ARNT2: variants seen among roughly 807,000 people sequenced by gnomAD.
ARNT2 encodes ARNT protein 2.
Under a neutral mutation model 91.7 loss-of-function variants are expected in ARNT2, and 36 were observed. That is an observed-to-expected ratio of 0.39 (90% CI 0.30 to 0.52). ARNT2 has a LOEUF of 0.52. ARNT2 is among the 20% of genes least tolerant of loss of function. The probability of loss-of-function intolerance (pLI) is 0.72; values close to 1 mark genes in which losing one functional copy is unlikely to be tolerated. For synonymous variants in ARNT2, 365 were observed against 347.1 expected (o/e 1.05, Z -0.57); for missense variants, 775 against 939.3 (o/e 0.83, Z 2.29).
intron 17 of ARNT2, among the ~76,000 whole-genome samples, chr15:80,589,130 C>G (rs75971085): frequency 1.3e-5 from 2 of 152,118 alleles, no homozygotes; most frequent in African/African-American, 4.8e-5. Flanking sequence ...ACAGTAAGGA[C>G]CAGGAGGCAC....
At chr15:80,551,587 T>C (rs1183328155) in intron 9 of ARNT2, among the ~76,000 whole-genome samples, 1 of 152,224 alleles carries the variant, frequency 6.6e-6, no homozygotes, top group Non-Finnish European at 1.5e-5. Context: ...CCAGAGTCTA[T>C]GGGATGAAGT....
intron 5 of ARNT2, among the ~76,000 whole-genome samples, chr15:80,481,572 G>T (rs915382403): frequency 3.3e-5 from 5 of 152,076 alleles, no homozygotes; most frequent in African/African-American, 1.2e-4. Flanking sequence ...AATTAGCTGG[G>T]TGTGGAGTCA....
Position 80,591,730 on chromosome 15 carries a change from C to T in ARNT2, c.2055+26C>T, listed in dbSNP as rs768553547. The T allele has an allele frequency of 1.3e-5, 21 of 1,613,086 alleles. No homozygotes were observed. Among genetic ancestry groups the T allele is most frequent in the East Asian group, 2.2e-5 (1 of 44,818 alleles). On this transcript the variant is annotated intron_variant, in intron 18 of 18. Coordinates refer to ENST00000303329, the MANE Select transcript of ARNT2 (RefSeq NM_014862.4). The surrounding 1 kb of genome is among the most constrained non-coding windows in gnomAD (Gnocchi z 5.1). ...GTAAATCGAGCGAGCACCGCCTTCT[C>T]GTAGGTACCGGCGCCTTCTCTCTGC...
intron 5 of ARNT2, among the ~76,000 whole-genome samples, chr15:80,483,622 A>G (rs189708632): frequency 1.2e-3 from 186 of 152,270 alleles, no homozygotes; most frequent in Non-Finnish European, 1.9e-3. Context: ...GGTCCGCACC[A>G]AGTTTGCAGG....
intron 8 of ARNT2, 82 bp from the exon 9 acceptor site, chr15:80,551,117 C>T: frequency 1.4e-6 from 2 of 1,406,046 alleles, no homozygotes; most frequent in Non-Finnish European, 2.0e-6. Context: ...TTTTCGATTG[C>T]TTAAATAAAA....
intron 10 of ARNT2, among the ~76,000 whole-genome samples, chr15:80,554,427 A>C (rs896985417): frequency 2.6e-5 from 4 of 152,222 alleles, no homozygotes; most frequent in Non-Finnish European, 5.9e-5. Context: ...AAAAAACATA[A>C]AATAAATTTT....
At chr15:80,445,438 TGA>T (rs1330098143) in intron 1 of ARNT2, among the ~76,000 whole-genome samples, 1 of 148,662 alleles carries the variant, frequency 6.7e-6, no homozygotes, top group African/African-American at 2.5e-5. Flanking sequence ...GTGGTGTGTG[TGA>T]GTGTTGTGTA....
intron 8 of ARNT2, among the ~76,000 whole-genome samples, chr15:80,535,339 G>C (rs1275237833): frequency 6.6e-6 from 1 of 152,166 alleles, no homozygotes; most frequent in Admixed American, 6.5e-5. Flanking sequence ...ATGGGTAAAG[G>C]CCTCTTAAAC....
At chr15:80,562,954 G>A in intron 11 of ARNT2, 134 bp from the exon 12 acceptor site, 1 of 959,384 alleles carries the variant, frequency 1.0e-6, no homozygotes, top group Non-Finnish European at 1.6e-6. Flanking sequence ...CTCTCTTACT[G>A]TCTTTTAGCC....
At chr15:80,415,339 A>G (rs918548511) in intron 1 of ARNT2, among the ~76,000 whole-genome samples, 5 of 152,236 alleles carry the variant, frequency 3.3e-5, no homozygotes, top group African/African-American at 1.2e-4. Flanking sequence ...TTGAATGCCA[A>G]CCGTGTGCTC....
At chr15:80,406,963 AAG>A (rs1285354038) in intron 1 of ARNT2, among the ~76,000 whole-genome samples, 2 of 152,168 alleles carry the variant, frequency 1.3e-5, no homozygotes, top group South Asian at 2.1e-4. Flanking sequence ...GTTTGAGCCA[AAG>A]AGAGAGAGTT....
chr15:80,505,077 G>C (rs1226945768), intron 5 of ARNT2, among the ~76,000 whole-genome samples: 1 of 152,216 alleles, frequency 6.6e-6, no homozygotes, highest in Admixed American at 6.5e-5. Flanking sequence ...ATCTAAGCCT[G>C]CCAGGAAACA....
At position 80,597,775 on chromosome 15, in the gene ARNT2, C is replaced by CT. The variant is rs1463958530; in HGVS notation, c.*4080dup. 6.5e-6 allele frequency: 1 copy of CT among 154,426 alleles called. No individual in the cohort carries two copies. Among genetic ancestry groups the CT allele is most frequent in the Non-Finnish European group, 1.4e-5 (1 of 69,240 alleles). The allele number at this position is 154,426 out of a possible 1,614,324, so 9.6% of individuals were successfully genotyped here. ...ACAGTTTAAGTACTTAACCATTTCT[C>CT]TTTCTTCTTATGGATGTGAACTGTG... On this transcript the variant is annotated 3_prime_UTR_variant, in exon 19 of 19. Transcript: ENST00000303329.
chr15:80,449,375 C>T (rs1896354039), intron 1 of ARNT2, among the ~76,000 whole-genome samples: 2 of 152,082 alleles, frequency 1.3e-5, no homozygotes, highest in Admixed American at 1.3e-4. Flanking sequence ...GTGTTTTAGC[C>T]TCCATTTCAG....
chr15:80,433,247 A>ATTTTATTTTATTTTAT (rs1555455363), intron 1 of ARNT2, among the ~76,000 whole-genome samples: 1,021 of 70,206 alleles, frequency 0.015, 21 homozygotes, highest in East Asian at 0.069. Context: ...ATTTTATTTT[A>ATTTTATTTTATTTTAT]TTTTATTTTA....
chr15:80,485,960 T>A (rs1205840952), intron 5 of ARNT2, among the ~76,000 whole-genome samples: 2 of 152,132 alleles, frequency 1.3e-5, no homozygotes, highest in Non-Finnish European at 2.9e-5. Context: ...ACAATGGGAA[T>A]GTGTTATCTT....
At chr15:80,461,219 C>T (rs1896547362) in intron 3 of ARNT2, among the ~76,000 whole-genome samples, 1 of 152,196 alleles carries the variant, frequency 6.6e-6, no homozygotes. Flanking sequence ...TGTATAAGTG[C>T]AATTTCCCTC....
intron 4 of ARNT2, among the ~76,000 whole-genome samples, chr15:80,471,148 T>C (rs1183732375): frequency 6.6e-6 from 1 of 152,194 alleles, no homozygotes; most frequent in Non-Finnish European, 1.5e-5. Context: ...CAATGACAGA[T>C]TGGATAAAGA....
At chr15:80,405,025 A>G (rs1264578079) in intron 1 of ARNT2, among the ~76,000 whole-genome samples, 2 of 151,934 alleles carry the variant, frequency 1.3e-5, no homozygotes, top group East Asian at 3.9e-4. Context: ...CCCGCCCACT[A>G]AGCGCTGGTC....
Sources: allele counts gnomAD v4.1 joint callset (sites outside exome capture counted in the v4.1 genomes callset), GRCh38; gene constraint gnomAD v4.1.1; non-coding constraint Gnocchi (gnomAD v3.1); transcripts MANE v1.5; gene names NCBI Gene and HGNC (gene_info 2026-07-23, HGNC 2026-07-21).